Variants in CAP2 observed in about 807,000 individuals in gnomAD.
CAP2 encodes cyclase associated actin cytoskeleton regulatory protein 2, also known as adenylyl cyclase-associated protein 2.
A neutral mutation model predicts 57.7 loss-of-function variants in CAP2; 24 were observed. The ratio of observed to expected loss-of-function variants is 0.42; its 90% CI spans 0.30 to 0.58. The LOEUF (loss-of-function observed/expected upper bound fraction) is 0.58, where lower values mean the gene tolerates loss of function less well. Ranked by LOEUF, CAP2 falls within the 20% of genes least tolerant of loss-of-function variation. The pLI is 0.22. For synonymous variants in CAP2, 194 were observed against 207.2 expected (o/e 0.94, Z 0.55); for missense variants, 501 against 590.3 (o/e 0.85, Z 1.57).
intron 4 of CAP2, among the ~76,000 whole-genome samples, chr6:17,479,866 C>T (rs184354082): frequency 1.9e-3 from 283 of 152,056 alleles, no homozygotes; most frequent in African/African-American, 5.8e-3. Flanking sequence ...CCGCCCACCT[C>T]GGCCTCCCAA....
chr6:17,393,938 CCGGGCGCGGGGCG>C (rs1223137895), intron 1 of CAP2, among the ~76,000 whole-genome samples, 192 bp downstream of exon 1: 5 of 146,732 alleles, frequency 3.4e-5, no homozygotes, highest in Admixed American at 1.4e-4. Flanking sequence ...GCGCGGCGAC[CCGGGCGCGGGGCG>C]CGGGCGCGGG....
chr6:17,402,436 C>T (rs1294427250), intron 1 of CAP2, among the ~76,000 whole-genome samples: 3 of 152,210 alleles, frequency 2.0e-5, no homozygotes, highest in Admixed American at 6.5e-5. Context: ...TGAGCAGAGA[C>T]CCTTTTGCAA....
chr6:17,477,074 T>A (rs936530042), intron 4 of CAP2, among the ~76,000 whole-genome samples: 1 of 152,152 alleles, frequency 6.6e-6, no homozygotes, highest in Non-Finnish European at 1.5e-5. Context: ...TTTCACCATG[T>A]TGGCCAGAAT....
At chr6:17,446,092 G>T (rs1437898765) in intron 3 of CAP2, among the ~76,000 whole-genome samples, 2 of 151,958 alleles carry the variant, frequency 1.3e-5, no homozygotes, top group African/African-American at 4.8e-5. Context: ...TTTTACAAAG[G>T]TATCAGTCTG....
At chr6:17,476,239 T>C (rs1381881948) in intron 4 of CAP2, among the ~76,000 whole-genome samples, 2 of 152,190 alleles carry the variant, frequency 1.3e-5, no homozygotes, top group Non-Finnish European at 2.9e-5. Flanking sequence ...TTACGTTGAT[T>C]ATAAGAGTTG....
At chr6:17,416,241 C>T (rs1330046290) in intron 1 of CAP2, among the ~76,000 whole-genome samples, 1 of 151,618 alleles carries the variant, frequency 6.6e-6, no homozygotes, top group Non-Finnish European at 1.5e-5. Flanking sequence ...CTATACTGAC[C>T]TGAAGTTTTC....
At chr6:17,547,174 T>C (rs1175928685) in intron 11 of CAP2, among the ~76,000 whole-genome samples, 1 of 152,198 alleles carries the variant, frequency 6.6e-6, no homozygotes. Context: ...GTAACCATTT[T>C]TTAAAGTGAT....
chr6:17,429,796 A>G (rs987043958), intron 3 of CAP2, among the ~76,000 whole-genome samples: 5 of 152,256 alleles, frequency 3.3e-5, no homozygotes, highest in Non-Finnish European at 5.9e-5. Flanking sequence ...TCTACAACAC[A>G]AAGAAAAGTA....
chr6:17,398,953 A>G (rs1758739805), intron 1 of CAP2, among the ~76,000 whole-genome samples: 1 of 152,262 alleles, frequency 6.6e-6, no homozygotes, highest in African/African-American at 2.4e-5. Flanking sequence ...CCCACTAAAT[A>G]TAACTCTGGA....
chr6:17,420,166 A>G (rs2328102), intron 1 of CAP2, among the ~76,000 whole-genome samples: 141,770 of 152,244 alleles, frequency 0.93, 66,070 homozygotes, highest in East Asian at 1. Context: ...CACCGCACCC[A>G]GTCACCCTGC....
chr6:17,410,481 G>A (rs893261358), intron 1 of CAP2, among the ~76,000 whole-genome samples: 2 of 152,164 alleles, frequency 1.3e-5, no homozygotes, highest in East Asian at 1.9e-4. Flanking sequence ...TCCAGGAGTG[G>A]GGAGTATGGC....
At chr6:17,447,626 G>A (rs550810971) in intron 3 of CAP2, among the ~76,000 whole-genome samples, 16 of 152,324 alleles carry the variant, frequency 1.1e-4, no homozygotes, top group South Asian at 6.2e-4. Context: ...AGCCTCCGGC[G>A]TAGCTGGGAT....
chr6:17,461,247 T>C (rs1760714223), intron 3 of CAP2, among the ~76,000 whole-genome samples: 1 of 151,526 alleles, frequency 6.6e-6, no homozygotes, highest in Admixed American at 6.6e-5. Flanking sequence ...TGAGACGTAG[T>C]CTCCCTCTGT....
chr6:17,449,484 G>A (rs1395885647), intron 3 of CAP2, among the ~76,000 whole-genome samples: 2 of 151,932 alleles, frequency 1.3e-5, no homozygotes, highest in South Asian at 2.1e-4. Context: ...TCAGCTCACT[G>A]CAACCTCCGC....
chr6:17,555,624 C>A (rs1763283453), intron 12 of CAP2, among the ~76,000 whole-genome samples: 1 of 151,694 alleles, frequency 6.6e-6, no homozygotes, highest in South Asian at 2.1e-4. Flanking sequence ...AGTCCAGTGG[C>A]ATGATCTCGG....
chr6:17,475,349 T>C (rs1761126854), intron 4 of CAP2, among the ~76,000 whole-genome samples: 1 of 152,214 alleles, frequency 6.6e-6, no homozygotes, highest in Admixed American at 6.5e-5. Flanking sequence ...AAGGACTTAG[T>C]TATCAATTGA....
At chr6:17,457,709 C>A in intron 3 of CAP2, among the ~76,000 whole-genome samples, 1 of 152,190 alleles carries the variant, frequency 6.6e-6, no homozygotes, top group Non-Finnish European at 1.5e-5. Flanking sequence ...CCATGAAACA[C>A]CATTTGGAGG....
chr6:17,472,967 A>C (rs919691646), intron 4 of CAP2, among the ~76,000 whole-genome samples: 2 of 151,982 alleles, frequency 1.3e-5, no homozygotes, highest in Non-Finnish European at 2.9e-5. Context: ...AGGTATTTAG[A>C]AACCCAGGAC....
rs538072441 is a variant in CAP2 at position 17,537,927 on chromosome 6, C to T, written c.637-1342C>T. On this transcript the variant is annotated intron_variant, in intron 7 of 12. Transcript: ENST00000229922. ...ACTAAAGATATAAAAATTAGCTGGG[C>T]TTGGTGGTGCATGTTTTTAATCCCA... 1.3e-4 allele frequency among the ~76,000 whole-genome samples: 20 copies of T among 152,044 alleles called. 3 individuals carry two copies. The South Asian group carries it at 4.2e-3, about 32-fold the overall frequency.
Sources: allele counts gnomAD v4.1 joint callset (sites outside exome capture counted in the v4.1 genomes callset), GRCh38; gene constraint gnomAD v4.1.1; transcripts MANE v1.5; gene names NCBI Gene and HGNC (gene_info 2026-07-23, HGNC 2026-07-21).